The following MYO16 variants were observed in gnomAD, a reference collection of about 807,000 sequenced individuals.
MYO16 encodes the protein unconventional myosin-XVI.
A neutral mutation model predicts 205.3 loss-of-function variants in MYO16; 94 were observed. The ratio of observed to expected loss-of-function variants is 0.46; its 90% CI spans 0.39 to 0.54. The LOEUF is 0.54. MYO16 is among the 20% of genes least tolerant of loss of function. The probability of loss-of-function intolerance (pLI) is 0.00; values close to 1 mark genes in which losing one functional copy is unlikely to be tolerated. For missense variants in MYO16, 2,315 were observed against 2,387.5 expected, an observed-to-expected ratio of 0.97 and a Z score of 0.63; for synonymous variants, 988 against 954.0, an observed-to-expected ratio of 1.04 and a Z score of -0.66.
intron 34 of MYO16, chr13:109,201,491 C>CAAAAAAAAAAAAAAAAAAAAA (rs3042152): frequency 1.0e-5 from 1 of 97,364 alleles, no homozygotes; most frequent in African/African-American, 4.0e-5. Context: ...TCGTCTTCTA[C>CAAAAAAAAAAAAAAAAAAAAA]AAAAAAAAAA....
At chr13:109,163,218 T>C (rs568845562) in intron 32 of MYO16, among the ~76,000 whole-genome samples, 2 of 152,336 alleles carry the variant, frequency 1.3e-5, no homozygotes, top group South Asian at 4.1e-4. Context: ...GCGGGTGATC[T>C]GACCAAGGTC....
chr13:108,520,064 G>A, the MYO16 span, among the ~76,000 whole-genome samples: 3 of 152,094 alleles, frequency 2.0e-5, no homozygotes, highest in Admixed American at 1.3e-4. Flanking sequence ...AATAATAAAT[G>A]TGAAGATAAA....
At chr13:109,092,153 A>G (rs773456760) in intron 27 of MYO16, among the ~76,000 whole-genome samples, 4 of 152,234 alleles carry the variant, frequency 2.6e-5, no homozygotes, top group Admixed American at 6.5e-5. Context: ...TTCCTTGAGA[A>G]TGAAGCGGTA....
chr13:108,785,300 T>A (rs1391512840), intron 4 of MYO16, among the ~76,000 whole-genome samples: 2 of 151,996 alleles, frequency 1.3e-5, no homozygotes, highest in Non-Finnish European at 2.9e-5. Context: ...CTCTATTATA[T>A]TAGAAACAAG....
At chr13:109,022,299 AATATATATTTATATATTATAT>A (rs1451763687) in intron 23 of MYO16, among the ~76,000 whole-genome samples, 8 of 22,036 alleles carry the variant, frequency 3.6e-4, no homozygotes, top group Non-Finnish European at 5.0e-4. Flanking sequence ...ATAATATACA[AATATATATTTATATATTATAT>A]ACAAATATAT....
intron 22 of MYO16, 124 bp from the exon 23 acceptor site, chr13:109,019,587 C>T: frequency 1.4e-6 from 1 of 715,428 alleles, no homozygotes; most frequent in Non-Finnish European, 2.3e-6. Flanking sequence ...AAGGTAAAGA[C>T]TGATTCATTT....
At chr13:108,802,124 T>G (rs1886985858) in intron 6 of MYO16, among the ~76,000 whole-genome samples, 1 of 152,236 alleles carries the variant, frequency 6.6e-6, no homozygotes, top group South Asian at 2.1e-4. Flanking sequence ...TTTGTTATTT[T>G]AACATGTATA....
chr13:109,159,117 G>A (rs1878232362), intron 32 of MYO16, among the ~76,000 whole-genome samples: 1 of 152,194 alleles, frequency 6.6e-6, no homozygotes, highest in South Asian at 2.1e-4. Context: ...CATGGGTCAG[G>A]AATCAGTTTC....
Position 108,961,609 on chromosome 13 carries a change from A to G in MYO16, c.2108A>G (p.Asn703Ser), listed in dbSNP as rs774300635. The change falls in exon 18 of 35, where the codon AAT becomes AGT. Residue 703 changes from asparagine to serine, a missense_variant. Physicochemically the swap from Asn to Ser is conservative, Grantham distance 46 (BLOSUM62 1). Transcript: ENST00000457511. ...GGAGACATTCGGTTTACTGCCCTGA[A>G]TGAGGGGAACTCCGCCTTCGTTTCT... ...HLGDIRFTAL[N>S]EGNSAFVSDL... 11 of 1,614,152 alleles carry G rather than the reference A, an allele frequency of 6.8e-6. No individual in the cohort carries two copies. In the East Asian group the frequency reaches 2.5e-4, roughly 36 times the overall value.
At chr13:109,076,874 G>A (rs895023980) in intron 27 of MYO16, among the ~76,000 whole-genome samples, 1 of 152,076 alleles carries the variant, frequency 6.6e-6, no homozygotes, top group Non-Finnish European at 1.5e-5. Flanking sequence ...AAGACGCTGT[G>A]GAAACTGATT....
intron 28 of MYO16, among the ~76,000 whole-genome samples, chr13:109,114,654 T>C (rs1354266306): frequency 2.0e-5 from 3 of 152,230 alleles, no homozygotes; most frequent in African/African-American, 7.2e-5. Context: ...TTAGAGGAAA[T>C]TGTACTATTA....
At chr13:108,556,590 C>T in the MYO16 span, among the ~76,000 whole-genome samples, 2 of 152,126 alleles carry the variant, frequency 1.3e-5, no homozygotes, top group Admixed American at 1.3e-4. Context: ...GTTGTCTCTT[C>T]ACTCTATTGA....
chr13:109,058,606 G>A (rs277837), intron 27 of MYO16, among the ~76,000 whole-genome samples: 152,186 of 152,286 alleles, frequency 1, 76,043 homozygotes, highest in Non-Finnish European at 1. Context: ...GCTAACAATG[G>A]TCTGAGTCTT....
intron 4 of MYO16, among the ~76,000 whole-genome samples, chr13:108,784,875 G>A (rs1348492505): frequency 6.6e-6 from 1 of 152,108 alleles, no homozygotes; most frequent in Non-Finnish European, 1.5e-5. Context: ...AGCTCATTAG[G>A]GAATGTGGGG....
At chr13:108,794,366 AC>A (rs1886716442) in intron 6 of MYO16, among the ~76,000 whole-genome samples, 2 of 152,234 alleles carry the variant, frequency 1.3e-5, no homozygotes, top group South Asian at 4.1e-4. Context: ...TTATGCCACT[AC>A]CCAATATCTC....
At chr13:108,628,936 C>A (rs958453409), upstream of MYO16, among the ~76,000 whole-genome samples, 1 of 152,016 alleles carries the variant, frequency 6.6e-6, no homozygotes, top group African/African-American at 2.4e-5. Flanking sequence ...TAAAATATAA[C>A]CTTTTGGTTT....
chr13:108,734,114 A>G (rs909594626), intron 4 of MYO16, among the ~76,000 whole-genome samples: 13 of 152,218 alleles, frequency 8.5e-5, no homozygotes, highest in African/African-American at 3.1e-4. Context: ...ATCTCTGGTC[A>G]TGATATTTTC....
chr13:108,848,759 G>C (rs541582510), intron 10 of MYO16, among the ~76,000 whole-genome samples: 2 of 152,340 alleles, frequency 1.3e-5, no homozygotes, highest in Non-Finnish European at 2.9e-5. Flanking sequence ...AGGCTGCGGT[G>C]AGCTAGGACG....
the MYO16 span, among the ~76,000 whole-genome samples, chr13:108,572,580 C>T: frequency 2.6e-5 from 4 of 152,048 alleles, no homozygotes; most frequent in African/African-American, 7.2e-5. Flanking sequence ...GAAGACAGTG[C>T]GTTCTATATT....
Sources: gnomAD v4.1 joint callset for allele counts (sites outside exome capture counted in the v4.1 genomes callset) on GRCh38, gnomAD v4.1.1 for gene constraint, MANE v1.5 for transcripts, NCBI Gene and HGNC (gene_info 2026-07-23, HGNC 2026-07-21) for gene names.